MTFR1: variants seen among roughly 807,000 people sequenced by gnomAD.
MTFR1 encodes chondrocyte protein with a poly-proline region.
MTFR1 carries 28 observed loss-of-function variants against 38.8 expected under a neutral mutation model. That is an observed-to-expected ratio of 0.72 (90% CI 0.53 to 0.99). The LOEUF is 0.99. Ranked by LOEUF, MTFR1 falls within the 50% of genes least tolerant of loss-of-function variation. The pLI, the probability that MTFR1 is intolerant of heterozygous loss-of-function variation, is 0.00. For missense variants in MTFR1, 358 were observed against 395.5 expected (o/e 0.91, Z 0.81); for synonymous variants, 145 against 137.0 (o/e 1.06, Z -0.41).
intron 3 of MTFR1, among the ~76,000 whole-genome samples, chr8:65,740,236 C>T (rs941377798): frequency 5.3e-5 from 8 of 152,092 alleles, no homozygotes; most frequent in African/African-American, 1.9e-4. Context: ...TCAACACTGC[C>T]CAGCAATCAT....
At chr8:65,690,357 A>G (rs1384246647) in intron 3 of MTFR1, among the ~76,000 whole-genome samples, 1 of 151,952 alleles carries the variant, frequency 6.6e-6, no homozygotes, top group Non-Finnish European at 1.5e-5. Context: ...CAACATGGCG[A>G]TACCCCCCAT....
At chr8:65,754,948 A>T (rs2128910630) in intron 3 of MTFR1, among the ~76,000 whole-genome samples, 2 of 150,748 alleles carry the variant, frequency 1.3e-5, no homozygotes, top group South Asian at 4.2e-4. Context: ...CTGGCGACAG[A>T]GCGAGACTCC....
chr8:65,666,807 G>A (rs1373587807), intron 1 of MTFR1, among the ~76,000 whole-genome samples: 1 of 152,048 alleles, frequency 6.6e-6, no homozygotes, highest in Non-Finnish European at 1.5e-5. Context: ...AATAAATAAA[G>A]GAGACTAAAA....
downstream of MTFR1, among the ~76,000 whole-genome samples, chr8:65,774,322 A>ATACT (rs1809196351): frequency 6.6e-6 from 1 of 152,140 alleles, no homozygotes; most frequent in South Asian, 2.1e-4. Context: ...TGAGAATATT[A>ATACT]TAAAAAGTTA....
At chr8:65,676,518 C>G (rs1027227557) in intron 2 of MTFR1, among the ~76,000 whole-genome samples, 1 of 152,088 alleles carries the variant, frequency 6.6e-6, no homozygotes, top group Admixed American at 6.6e-5. Context: ...TGCCCGCCAT[C>G]ACCCCTGGCT....
At chr8:65,721,213 T>C (rs1585820513) in intron 3 of MTFR1, among the ~76,000 whole-genome samples, 2 of 152,340 alleles carry the variant, frequency 1.3e-5, no homozygotes, top group East Asian at 3.9e-4. Flanking sequence ...GCCTCTACTT[T>C]ATCTTCACAG....
At chr8:65,691,711 G>T (rs765928985) in intron 3 of MTFR1, among the ~76,000 whole-genome samples, 1 of 151,904 alleles carries the variant, frequency 6.6e-6, no homozygotes, top group Non-Finnish European at 1.5e-5. Flanking sequence ...TTGCAGTAGC[G>T]CAATCTCAGC....
chr8:65,773,222 G>T (rs898422059), downstream of MTFR1, among the ~76,000 whole-genome samples: 3 of 152,166 alleles, frequency 2.0e-5, no homozygotes, highest in African/African-American at 7.2e-5. Flanking sequence ...ATTCCAAGCT[G>T]TGTGATAAGC....
intron 1 of MTFR1, among the ~76,000 whole-genome samples, chr8:65,649,081 C>T (rs1479210779): frequency 6.6e-6 from 1 of 151,966 alleles, no homozygotes; most frequent in African/African-American, 2.4e-5. Context: ...ATACAGTAGA[C>T]AACTGTTTCC....
At chr8:65,728,495 C>T (rs1339130310) in intron 3 of MTFR1, 3 of 151,956 alleles carry the variant, frequency 2.0e-5, no homozygotes, top group Admixed American at 6.6e-5. Flanking sequence ...ATTTTTGTAT[C>T]GCATATAATT....
At chr8:65,770,396 G>A (rs1033469813) in intron 3 of MTFR1, among the ~76,000 whole-genome samples, 3 of 152,198 alleles carry the variant, frequency 2.0e-5, no homozygotes. Context: ...GGGTGAATGA[G>A]AGCCAAGCAA....
chr8:65,650,210 C>CTTT (rs768949769), intron 1 of MTFR1, among the ~76,000 whole-genome samples: 7 of 114,626 alleles, frequency 6.1e-5, no homozygotes, highest in Non-Finnish European at 1.0e-4. Context: ...TCCTTATACT[C>CTTT]TTTTTTTTTT....
intron 1 of MTFR1, among the ~76,000 whole-genome samples, chr8:65,653,246 C>G (rs546939756): frequency 2.6e-5 from 4 of 152,144 alleles, no homozygotes; most frequent in Non-Finnish European, 2.9e-5. Context: ...CAGTGGCACA[C>G]GCCTGTAATC....
intron 3 of MTFR1, among the ~76,000 whole-genome samples, chr8:65,730,168 C>CTTTT (rs1563473710): frequency 3.5e-4 from 11 of 31,664 alleles, no homozygotes; most frequent in African/African-American, 2.0e-3. Flanking sequence ...AGGTTGCGCA[C>CTTTT]TTCTTTTTTT....
chr8:65,734,163 C>T (rs1807026423), intron 3 of MTFR1, among the ~76,000 whole-genome samples: 1 of 152,204 alleles, frequency 6.6e-6, no homozygotes, highest in Non-Finnish European at 1.5e-5. Flanking sequence ...ACCCCCAAAA[C>T]TTGTTCTGCT....
At chr8:65,669,213 A>G (rs948394266) in intron 1 of MTFR1, among the ~76,000 whole-genome samples, 5 of 152,176 alleles carry the variant, frequency 3.3e-5, no homozygotes, top group African/African-American at 1.2e-4. Flanking sequence ...TACAGACAGC[A>G]TCTTTGGAGT....
chr8:65,683,342 G>T (rs1804966570), intron 3 of MTFR1, among the ~76,000 whole-genome samples: 1 of 152,032 alleles, frequency 6.6e-6, no homozygotes, highest in African/African-American at 2.4e-5. Context: ...ATGTTGGCCA[G>T]GATGGTCTTG....
At chr8:65,726,325 C>T (rs76277884) in intron 3 of MTFR1, among the ~76,000 whole-genome samples, 6,310 of 149,888 alleles carry the variant, frequency 0.042, 195 homozygotes, top group Non-Finnish European at 0.064. Context: ...TAAAATAGCC[C>T]ATTTATTTTT....
At chr8:65,699,093 A>G (rs1038464595) in intron 4 of MTFR1, among the ~76,000 whole-genome samples, 2 of 152,048 alleles carry the variant, frequency 1.3e-5, no homozygotes, top group Non-Finnish European at 2.9e-5. Context: ...AACATGTGGT[A>G]TTTGGTTTTC....
Sources: gnomAD v4.1 joint callset for allele counts (sites outside exome capture counted in the v4.1 genomes callset) on GRCh38, gnomAD v4.1.1 for gene constraint, MANE v1.5 for transcripts, NCBI Gene and HGNC (gene_info 2026-07-23, HGNC 2026-07-21) for gene names.